PCDHGA9: variants seen among roughly 807,000 people sequenced by gnomAD.
The protein encoded by PCDHGA9 is protocadherin gamma subfamily A, 9, also known as protocadherin gamma-A9.
A neutral mutation model predicts 62.5 loss-of-function variants in PCDHGA9; 37 were observed. The ratio of observed to expected loss-of-function variants is 0.59; its 90% CI spans 0.46 to 0.78. The LOEUF is 0.78. PCDHGA9 is among the 30% of genes least tolerant of loss of function. The probability of loss-of-function intolerance (pLI) is 0.00; values close to 1 mark genes in which losing one functional copy is unlikely to be tolerated. For synonymous variants in PCDHGA9, 459 were observed against 484.6 expected, an observed-to-expected ratio of 0.95 and a Z score of 0.69; for missense variants, 1,138 against 1,166.2, an observed-to-expected ratio of 0.98 and a Z score of 0.35.
chr5:141,409,055 G>T (rs141881204), intron 1 of PCDHGA9: 10 of 1,614,038 alleles, frequency 6.2e-6, no homozygotes, highest in Non-Finnish European at 8.5e-6. Flanking sequence ...CCGAAGCACT[G>T]CCCAGAGCAC....
In PCDHGA9 at chr5:141,486,981, A is replaced by G. The variant is rs1457098151; in HGVS notation, c.2425-7826A>G. Reference sequence around the variant, plus strand: ...GCTGTGGACTTGGATTCAGGTTACAATGCTTGGGTTTCCTATCAGCTCCTG... The same window carrying G: ...GCTGTGGACTTGGATTCAGGTTACAGTGCTTGGGTTTCCTATCAGCTCCTG... On this transcript the variant is annotated intron_variant, in intron 1 of 3. Coordinates refer to ENST00000573521, the MANE Select transcript of PCDHGA9 (RefSeq NM_018921.3). The surrounding 1 kb of genome is among the most constrained non-coding windows in gnomAD (Gnocchi z 5.0). 17 of 1,614,038 alleles carry G rather than the reference A, an allele frequency of 1.1e-5. No individual in the cohort carries two copies. The highest frequency in any genetic ancestry group is 4.0e-5 in the African/African-American group (3 of 74,922).
At chr5:141,419,762 AAGGACTCG>A (rs1468964539) in intron 1 of PCDHGA9, 2 of 1,614,008 alleles carry the variant, frequency 1.2e-6, no homozygotes, top group South Asian at 2.2e-5. Context: ...TTTGGGTGAC[AAGGACTCG>A]GTCCGCCAGC....
At position 141,432,394 on chromosome 5, in the gene PCDHGA9, C is replaced by G; in HGVS notation, c.2424+27018C>G. 1 of 1,614,260 alleles carries G rather than the reference C, an allele frequency of 6.2e-7. No individual in the cohort carries two copies. The highest frequency in any genetic ancestry group is 8.5e-7 in the Non-Finnish European group (1 of 1,180,050). On this transcript the variant is annotated intron_variant, in intron 1 of 3. Transcript: ENST00000573521. This position sits in a 1 kb window ranked among gnomAD's most constrained non-coding sequence, Gnocchi z 6.0. The stretch of plus-strand genomic sequence containing the variant: ...ACGGGCACCCGCCCCTCAGCAGCAA[C>G]GTGTCGTTGAGCCTGTTCGTGCTGG...
At chr5:141,450,460 TTATA>T (rs1234300844) in intron 1 of PCDHGA9, among the ~76,000 whole-genome samples, 1 of 152,104 alleles carries the variant, frequency 6.6e-6, no homozygotes, top group Non-Finnish European at 1.5e-5. Flanking sequence ...CCTCGTGATT[TTATA>T]TATAGAGTTT....
chr5:141,418,985 T>C, intron 1 of PCDHGA9: 1 of 1,613,882 alleles, frequency 6.2e-7, no homozygotes, highest in Non-Finnish European at 8.5e-7. Context: ...GGACCAAGAC[T>C]CAGGGGAAAA....
chr5:141,461,072 A>G (rs555905734), intron 1 of PCDHGA9, among the ~76,000 whole-genome samples: 2 of 151,574 alleles, frequency 1.3e-5, no homozygotes, highest in Non-Finnish European at 2.9e-5. Flanking sequence ...ACATTTTTGC[A>G]ATTGTGAATT....
intron 1 of PCDHGA9, among the ~76,000 whole-genome samples, chr5:141,459,059 A>G (rs1219921155): frequency 2.6e-5 from 4 of 152,228 alleles, no homozygotes; most frequent in African/African-American, 4.8e-5. Context: ...AGTATAATTT[A>G]TATAACATAA....
At chr5:141,421,080 C>G in intron 1 of PCDHGA9, 1 of 638,368 alleles carries the variant, frequency 1.6e-6, no homozygotes, top group South Asian at 2.1e-5. Flanking sequence ...GATGGATACT[C>G]ACAGATCCTG....
chr5:141,466,020 G>A (rs973577698), intron 1 of PCDHGA9, among the ~76,000 whole-genome samples: 2 of 151,974 alleles, frequency 1.3e-5, no homozygotes, highest in South Asian at 4.1e-4. Context: ...TACTCGGGAG[G>A]GTGAGGCAGG....
chr5:141,481,730 G>A (rs778885944), intron 1 of PCDHGA9, among the ~76,000 whole-genome samples: 1 of 151,952 alleles, frequency 6.6e-6, no homozygotes, highest in African/African-American at 2.4e-5. Context: ...GAGGCGGGCG[G>A]ATCACGAGGT....
Position 141,418,052 on chromosome 5 carries a change from G to A in PCDHGA9, c.2424+12676G>A, listed in dbSNP as rs202112422. 1.2e-3 allele frequency: 1,918 copies of A among 1,613,866 alleles called. 6 individuals are homozygous for A. Among genetic ancestry groups the A allele is most frequent in the East Asian group, 2.1e-3 (96 of 44,758 alleles). On this transcript the variant is annotated intron_variant, in intron 1 of 3. Coordinates refer to ENST00000573521, the MANE Select transcript of PCDHGA9 (RefSeq NM_018921.3). ...TAGTGTCCTGGATGTGTCGGCTCGC[G>A]AGCTGCGAGTGAGCGCGGAGAAGCT...
In PCDHGA9 at chr5:141,487,000, G is replaced by A. The variant is rs1410493699; in HGVS notation, c.2425-7807G>A. On this transcript the variant is annotated intron_variant, in intron 1 of 3. Transcript: ENST00000573521. The surrounding 1 kb of genome is among the most constrained non-coding windows in gnomAD (Gnocchi z 5.0). ...GTTACAATGCTTGGGTTTCCTATCA[G>A]CTCCTGGAGGCCCCAGATCCCAGCC... The A allele has an allele frequency of 6.2e-7, 1 of 1,614,194 alleles. No homozygotes were observed. The highest frequency in any genetic ancestry group is 8.5e-7 in the Non-Finnish European group (1 of 1,180,036).
intron 1 of PCDHGA9, chr5:141,441,260 A>G (rs1217151195): frequency 1.3e-5 from 2 of 152,222 alleles, no homozygotes; most frequent in Non-Finnish European, 2.9e-5. Context: ...AAATCACAAG[A>G]TCTGGATTCG....
rs1001717368 is a variant in PCDHGA9 at position 141,405,559 on chromosome 5, G to A, written c.2424+183G>A. ...CTCAGCCTCCCAAGTAGAGTAGCTG[G>A]GACTAGAGTAGAGTAGCTGGGACTA... On this transcript the variant is annotated intron_variant, in intron 1 of 3. Transcript: ENST00000573521. 1.8e-5 allele frequency: 11 copies of A among 614,566 alleles called. No individual in the cohort carries two copies. In the Admixed American group the frequency reaches 2.9e-4, roughly 16 times the overall value. The allele number at this position is 614,566 out of a possible 1,614,324, so 38.1% of individuals were successfully genotyped here.
intron 1 of PCDHGA9, chr5:141,413,221 G>A (rs1384304697): frequency 1.2e-6 from 2 of 1,613,452 alleles, no homozygotes; most frequent in East Asian, 2.2e-5. Flanking sequence ...GGATTGCAGC[G>A]GGCTGGTCCT....
chr5:141,412,975 C>G (rs1221821871), intron 1 of PCDHGA9: 3 of 532,642 alleles, frequency 5.6e-6, no homozygotes, highest in Non-Finnish European at 9.7e-6. Flanking sequence ...AGAGAAAACG[C>G]AGCCAGAGCT....
intron 1 of PCDHGA9, chr5:141,419,128 A>T (rs1298102722): frequency 1.2e-6 from 2 of 1,613,768 alleles, no homozygotes; most frequent in East Asian, 2.2e-5. Flanking sequence ...TCACCATCGC[A>T]GCCACAGACA....
chr5:141,499,533 G>T (rs2099792525), intron 2 of PCDHGA9, among the ~76,000 whole-genome samples: 1 of 152,086 alleles, frequency 6.6e-6, no homozygotes, highest in African/African-American at 2.4e-5. Flanking sequence ...AGAGAGAATG[G>T]TGTCATGAAC....
chr5:141,420,511 A>G (rs958868048), intron 1 of PCDHGA9: 23 of 419,992 alleles, frequency 5.5e-5, no homozygotes, highest in Middle Eastern at 6.5e-4. Context: ...ATTTTTATGA[A>G]GTAAAATACC....
Sources: allele counts gnomAD v4.1 joint callset (sites outside exome capture counted in the v4.1 genomes callset), GRCh38; gene constraint gnomAD v4.1.1; non-coding constraint Gnocchi (gnomAD v3.1); transcripts MANE v1.5; gene names NCBI Gene and HGNC (gene_info 2026-07-23, HGNC 2026-07-21).